Variants in RPTOR observed in about 807,000 individuals in gnomAD.
RPTOR encodes regulatory-associated protein of mTOR.
RPTOR carries 21 observed loss-of-function variants against 169.9 expected under a neutral mutation model. That is an observed-to-expected ratio of 0.12 (90% CI 0.09 to 0.18). The LOEUF (loss-of-function observed/expected upper bound fraction) is 0.18. Among genes scored for constraint, RPTOR ranks in the 10% least tolerant of loss-of-function variants. RPTOR has a pLI of 1.00. For synonymous variants in RPTOR, 732 were observed against 753.2 expected, an observed-to-expected ratio of 0.97 and a Z score of 0.46; for missense variants, 1,133 against 1,855.9, an observed-to-expected ratio of 0.61 and a Z score of 7.16.
chr17:80,765,872 G>A (rs66508321), intron 6 of RPTOR, among the ~76,000 whole-genome samples: 43,462 of 152,120 alleles, frequency 0.29, 7,415 homozygotes, highest in East Asian at 0.52. Flanking sequence ...GCCTAGTGGG[G>A]AGACTGGAGA....
At chr17:80,667,546 A>G (rs2065790192) in intron 3 of RPTOR, among the ~76,000 whole-genome samples, 1 of 152,226 alleles carries the variant, frequency 6.6e-6, no homozygotes, top group Non-Finnish European at 1.5e-5. Context: ...GCCCAGAGTT[A>G]ATAAAGTTGC....
intron 6 of RPTOR, chr17:80,774,268 C>T (rs990020475): frequency 5.1e-6 from 5 of 985,322 alleles, no homozygotes; most frequent in Non-Finnish European, 6.0e-6. Context: ...TCCGGTGTGA[C>T]ACAGACGGCG....
At chr17:80,908,330 G>A (rs1295196058) in intron 20 of RPTOR, among the ~76,000 whole-genome samples, 1 of 152,186 alleles carries the variant, frequency 6.6e-6, no homozygotes, top group Non-Finnish European at 1.5e-5. Flanking sequence ...CAGGGCCAGT[G>A]CCTGGAGGTG....
intron 28 of RPTOR, among the ~76,000 whole-genome samples, chr17:80,955,831 C>T (rs534510266): frequency 2.6e-5 from 4 of 152,284 alleles, no homozygotes; most frequent in Admixed American, 6.5e-5. Context: ...CTGGCAGTTC[C>T]GTTCTAGGCG....
rs1555594158 is a variant in RPTOR, at chr17:80,601,555, C to CTTCTTTTTTTTTTTTTTTTTTTTT, written c.163-24134_163-24133insCTTTTTTTTTTTTTTTTTTTTTTT. Among the ~76,000 whole-genome samples the CTTCTTTTTTTTTTTTTTTTTTTTT allele has an allele frequency of 2.8e-4, 5 of 17,998 alleles. 2 individuals carry two copies. Among genetic ancestry groups the CTTCTTTTTTTTTTTTTTTTTTTTT allele is most frequent in the African/African-American group, 1.7e-3 (5 of 2,862 alleles). The allele number at this position is 17,998 out of a possible 152,430, so 11.8% of individuals were successfully genotyped here. On this transcript the variant is annotated intron_variant, in intron 1 of 33. Coordinates refer to ENST00000306801, the MANE Select transcript of RPTOR (RefSeq NM_020761.3). ...CTGCTGTTGGTGAAGATGGTTCAGT[C>CTTCTTTTTTTTTTTTTTTTTTTTT]TTTTTTTTTTTTTTTTTAAATTTAT...
At chr17:80,926,299 G>A (rs1598405385) in intron 24 of RPTOR, among the ~76,000 whole-genome samples, 1 of 152,236 alleles carries the variant, frequency 6.6e-6, no homozygotes, top group African/African-American at 2.4e-5. Context: ...AGGCAGGCAA[G>A]CCATGAAGCT....
At chr17:80,606,900 C>T (rs369630417) in intron 1 of RPTOR, among the ~76,000 whole-genome samples, 15 of 152,276 alleles carry the variant, frequency 9.9e-5, no homozygotes, top group South Asian at 6.2e-4. Context: ...GGCAATGAAT[C>T]GGGCCATTCC....
intron 6 of RPTOR, among the ~76,000 whole-genome samples, chr17:80,787,785 G>A (rs1259555349): frequency 3.9e-5 from 6 of 152,060 alleles, no homozygotes; most frequent in African/African-American, 7.3e-5. Context: ...ATTTCCTCAC[G>A]TTCAGTGGCC....
chr17:80,954,149 T>C (rs2069218494), intron 28 of RPTOR, among the ~76,000 whole-genome samples: 1 of 152,042 alleles, frequency 6.6e-6, no homozygotes, highest in South Asian at 2.1e-4. Context: ...TGAGACGGAG[T>C]TTCACTCTTG....
intron 6 of RPTOR, among the ~76,000 whole-genome samples, chr17:80,780,598 C>T (rs2066931707): frequency 3.9e-5 from 6 of 152,140 alleles, no homozygotes; most frequent in Admixed American, 1.3e-4. Flanking sequence ...AGAGCGGAAC[C>T]GTGACCTGTG....
At chr17:80,568,803 G>A (rs1023547340) in intron 1 of RPTOR, among the ~76,000 whole-genome samples, 8 of 151,724 alleles carry the variant, frequency 5.3e-5, no homozygotes, top group Admixed American at 2.6e-4. Flanking sequence ...CAATGTCTTC[G>A]CGTTCTCTCA....
At chr17:80,840,884 G>A (rs1210333014) in intron 10 of RPTOR, among the ~76,000 whole-genome samples, 9 of 113,890 alleles carry the variant, frequency 7.9e-5, no homozygotes, top group South Asian at 3.1e-4. Flanking sequence ...CTCACCACAC[G>A]GCAGCTCACA....
At position 80,659,992 on chromosome 17, in the gene RPTOR, C is replaced by T. The variant is rs1026375332; in HGVS notation, c.348+16182C>T. On this transcript the variant is annotated intron_variant, in intron 3 of 33. Transcript: ENST00000306801. The surrounding 1 kb of genome is among the most constrained non-coding windows in gnomAD (Gnocchi z 4.3). The stretch of plus-strand genomic sequence containing the variant: ...GTATATATAAGAATTTAAATGAGGC[C>T]GGGCGTGGTGGCTCATGCCTGTAAT... 4.7e-5 allele frequency among the ~76,000 whole-genome samples: 7 copies of T among 150,364 alleles called. No homozygotes were observed. The highest frequency in any genetic ancestry group is 3.4e-3 in the Middle Eastern group (1 of 294).
intron 2 of RPTOR, among the ~76,000 whole-genome samples, chr17:80,635,553 C>T (rs1028299994): frequency 3.3e-5 from 5 of 152,098 alleles, no homozygotes; most frequent in African/African-American, 7.2e-5. Flanking sequence ...AACCTCCAAG[C>T]GGAGCCACCA....
chr17:80,716,971 G>A (rs560768072), intron 4 of RPTOR, among the ~76,000 whole-genome samples: 3 of 152,244 alleles, frequency 2.0e-5, no homozygotes, highest in African/African-American at 7.2e-5. Context: ...GGTGACTATG[G>A]CCTTATAGTA....
At chr17:80,719,205 A>G (rs1170918240) in intron 4 of RPTOR, among the ~76,000 whole-genome samples, 1 of 152,200 alleles carries the variant, frequency 6.6e-6, no homozygotes, top group Non-Finnish European at 1.5e-5. Context: ...TCTGGGGAGC[A>G]GAAGAGGATC....
intron 2 of RPTOR, among the ~76,000 whole-genome samples, chr17:80,634,357 CTGTGTGTGCATACTG>C (rs144674855): frequency 0.031 from 1,785 of 58,460 alleles, 48 homozygotes; most frequent in South Asian, 0.048. Flanking sequence ...CATGTGCGTA[CTGTGTGTGCATACTG>C]TGTGTGTGCA....
intron 33 of RPTOR, among the ~76,000 whole-genome samples, chr17:80,963,892 T>G (rs910328878): frequency 1.3e-5 from 2 of 151,942 alleles, no homozygotes; most frequent in Admixed American, 6.6e-5. Context: ...GGTTGCAGCC[T>G]CCCCACGTGG....
At chr17:80,862,570 C>T (rs2067930037) in intron 13 of RPTOR, among the ~76,000 whole-genome samples, 1 of 150,562 alleles carries the variant, frequency 6.6e-6, no homozygotes, top group African/African-American at 2.5e-5. Context: ...GTCTGCTCCG[C>T]CCCCTCGTGT....
Sources: allele counts gnomAD v4.1 joint callset (sites outside exome capture counted in the v4.1 genomes callset), GRCh38; gene constraint gnomAD v4.1.1; non-coding constraint Gnocchi (gnomAD v3.1); transcripts MANE v1.5; gene names NCBI Gene and HGNC (gene_info 2026-07-23, HGNC 2026-07-21).